NDUFAF2: variants seen among roughly 807,000 people sequenced by gnomAD.
NDUFAF2 encodes the protein NADH dehydrogenase [ubiquinone] 1 alpha subcomplex assembly factor 2.
In NDUFAF2, 13 loss-of-function variants were observed where a neutral mutation model predicts 22.8. The ratio of observed to expected loss-of-function variants is 0.57; its 90% CI spans 0.37 to 0.91. The LOEUF is 0.91. NDUFAF2 is among the 40% of genes least tolerant of loss of function. The pLI is 0.01. For synonymous variants in NDUFAF2, 53 were observed against 64.2 expected (o/e 0.83, Z 0.84); for missense variants, 162 against 195.2 (o/e 0.83, Z 1.01).
At chr5:61,001,527 G>T (rs1381987725) in intron 1 of NDUFAF2, among the ~76,000 whole-genome samples, 2 of 152,004 alleles carry the variant, frequency 1.3e-5, no homozygotes, top group Admixed American at 6.6e-5. Flanking sequence ...TCTAATAGTC[G>T]AGACATACAG....
intron 2 of NDUFAF2, among the ~76,000 whole-genome samples, chr5:61,087,930 A>G (rs986123663): frequency 5.3e-5 from 8 of 152,114 alleles, no homozygotes; most frequent in African/African-American, 1.7e-4. Context: ...ATTATCTTAC[A>G]GTTTCTGTGC....
chr5:60,968,864 C>G (rs916850847), intron 1 of NDUFAF2, among the ~76,000 whole-genome samples: 1 of 152,002 alleles, frequency 6.6e-6, no homozygotes, highest in Admixed American at 6.6e-5. Flanking sequence ...CCCTCTACTA[C>G]CCTCCCTAGC....
intron 2 of NDUFAF2, among the ~76,000 whole-genome samples, chr5:61,090,639 G>A (rs1214965710): frequency 6.6e-6 from 1 of 151,904 alleles, no homozygotes. Flanking sequence ...AAAGGAAGCT[G>A]TTTTCTAGAA....
chr5:61,152,848 G>A lies in NDUFAF2; in HGVS notation c.403G>A (p.Ala135Thr), dbSNP rs201187582. ...VQTQIKGHAS[A>T]PYFGKEEPSV... ...AACTCAAATTAAAGGCCATGCCTCT[G>A]CTCCATACTTTGGAAAGGAAGAACC... The change falls in exon 4 of 4, where the codon GCT becomes ACT. Residue 135 changes from alanine (A) to threonine (T), a missense_variant. This residue lies in a region of NDUFAF2 where 68 missense variants were observed against 110.0 expected (regional missense o/e 0.62). Coordinates refer to ENST00000296597, the MANE Select transcript of NDUFAF2 (RefSeq NM_174889.5). The A allele has an allele frequency of 6.2e-7, 1 of 1,608,754 alleles. No homozygotes were observed. The highest frequency in any genetic ancestry group is 1.3e-5 in the African/African-American group (1 of 74,766).
chr5:61,065,172 A>C (rs1239534391), intron 1 of NDUFAF2, among the ~76,000 whole-genome samples: 2 of 152,088 alleles, frequency 1.3e-5, no homozygotes, highest in African/African-American at 4.8e-5. Context: ...GAAAGCATGA[A>C]TAGACCAATA....
intron 3 of NDUFAF2, among the ~76,000 whole-genome samples, chr5:61,133,780 G>T (rs1168285676): frequency 6.6e-6 from 1 of 152,088 alleles, no homozygotes; most frequent in African/African-American, 2.4e-5. Flanking sequence ...CATTCATTTC[G>T]CAAATATGTG....
At chr5:61,133,046 C>T (rs1222050260) in intron 3 of NDUFAF2, among the ~76,000 whole-genome samples, 1 of 152,148 alleles carries the variant, frequency 6.6e-6, no homozygotes, top group Non-Finnish European at 1.5e-5. Context: ...GCCTATCTGC[C>T]TTCCCACAGT....
intron 1 of NDUFAF2, among the ~76,000 whole-genome samples, chr5:61,028,087 A>G (rs751774176): frequency 3.4e-4 from 51 of 152,090 alleles, no homozygotes; most frequent in Non-Finnish European, 6.8e-4. Context: ...TTACAGTGCC[A>G]GGTAAAAGGC....
At chr5:61,111,304 T>TA (rs1225692502) in intron 3 of NDUFAF2, among the ~76,000 whole-genome samples, 1 of 152,216 alleles carries the variant, frequency 6.6e-6, no homozygotes. Flanking sequence ...TTTGATGAAA[T>TA]ATTCTGTAAA....
chr5:60,973,504 C>T (rs534962562), intron 1 of NDUFAF2, among the ~76,000 whole-genome samples: 54 of 152,172 alleles, frequency 3.5e-4, no homozygotes, highest in Admixed American at 1.2e-3. Flanking sequence ...TACAAACATG[C>T]GTGAACTGAG....
intron 3 of NDUFAF2, among the ~76,000 whole-genome samples, chr5:61,127,662 T>C (rs930244105): frequency 1.4e-4 from 21 of 152,100 alleles, no homozygotes; most frequent in Admixed American, 6.6e-4. Context: ...TAAGAGCTAT[T>C]TATGACAAAC....
intron 1 of NDUFAF2, among the ~76,000 whole-genome samples, chr5:61,018,306 C>A (rs1378260745): frequency 1.3e-5 from 2 of 152,076 alleles, no homozygotes; most frequent in Non-Finnish European, 2.9e-5. Context: ...TTGGCAAATG[C>A]TACAAATCAG....
chr5:61,094,103 C>T (rs754783182), intron 2 of NDUFAF2, among the ~76,000 whole-genome samples: 58 of 152,056 alleles, frequency 3.8e-4, no homozygotes, highest in Non-Finnish European at 7.1e-4. Flanking sequence ...CAGCGATACC[C>T]CGTATCTTTT....
At chr5:60,949,638 A>G (rs1354637872) in intron 1 of NDUFAF2, among the ~76,000 whole-genome samples, 1 of 152,182 alleles carries the variant, frequency 6.6e-6, no homozygotes, top group Non-Finnish European at 1.5e-5. Flanking sequence ...TAGCCTCACA[A>G]AGTATTTTTG....
At chr5:61,037,119 A>G (rs1378853414) in intron 1 of NDUFAF2, among the ~76,000 whole-genome samples, 2 of 152,152 alleles carry the variant, frequency 1.3e-5, no homozygotes, top group Non-Finnish European at 2.9e-5. Context: ...GGGAGAAGAG[A>G]CCACCACCAA....
intron 1 of NDUFAF2, among the ~76,000 whole-genome samples, chr5:60,979,657 G>T (rs1561532949): frequency 6.6e-6 from 1 of 152,058 alleles, no homozygotes; most frequent in South Asian, 2.1e-4. Flanking sequence ...GAATAGAGCA[G>T]CAGGTAGATT....
At chr5:60,977,858 G>GAA (rs1750923594) in intron 1 of NDUFAF2, among the ~76,000 whole-genome samples, 3 of 136,930 alleles carry the variant, frequency 2.2e-5, no homozygotes, top group Non-Finnish European at 4.9e-5. Flanking sequence ...AAAAAGAAAA[G>GAA]AAGCCACCAG....
intron 1 of NDUFAF2, among the ~76,000 whole-genome samples, chr5:60,964,641 A>G (rs913856617): frequency 6.6e-6 from 1 of 152,002 alleles, no homozygotes; most frequent in Non-Finnish European, 1.5e-5. Flanking sequence ...TGGTAGAGAC[A>G]GGGTTTCACC....
chr5:61,090,223 G>T (rs574442452), intron 2 of NDUFAF2, among the ~76,000 whole-genome samples: 1 of 152,062 alleles, frequency 6.6e-6, no homozygotes, highest in Non-Finnish European at 1.5e-5. Flanking sequence ...ACAGGAGTTG[G>T]CAAACTTTTT....
Sources: allele counts gnomAD v4.1 joint callset (sites outside exome capture counted in the v4.1 genomes callset), GRCh38; gene constraint gnomAD v4.1.1; regional missense constraint gnomAD v4.1.1; transcripts MANE v1.5; gene names NCBI Gene and HGNC (gene_info 2026-07-23, HGNC 2026-07-21).